TLN2: variants seen among roughly 807,000 people sequenced by gnomAD.
TLN2 encodes talin 2.
TLN2 carries 118 observed loss-of-function variants against 294.7 expected under a neutral mutation model. That is an observed-to-expected ratio of 0.40 (90% confidence interval 0.34 to 0.47). The LOEUF (loss-of-function observed/expected upper bound fraction) is 0.47, where lower values mean the gene tolerates loss of function less well. Ranked by LOEUF, TLN2 falls within the 20% of genes least tolerant of loss-of-function variation. TLN2 has a pLI of 0.84. For synonymous variants in TLN2, 1,431 were observed against 1,304.5 expected, an observed-to-expected ratio of 1.10 and a Z score of -2.09; for missense variants, 3,083 against 3,282.2, an observed-to-expected ratio of 0.94 and a Z score of 1.48.
At chr15:62,784,919 G>A (rs563995277) in intron 45 of TLN2, 1 of 152,248 alleles carries the variant, frequency 6.6e-6, no homozygotes, top group African/African-American at 2.4e-5. Flanking sequence ...TTTCTCCTGG[G>A]AGTCAGATCT....
intron 1 of TLN2, among the ~76,000 whole-genome samples, chr15:62,531,039 G>A (rs1205317771): frequency 6.6e-6 from 1 of 152,076 alleles, no homozygotes; most frequent in African/African-American, 2.4e-5. Flanking sequence ...TTGCCATTCA[G>A]ATTTTTTATT....
At chr15:62,590,269 A>G (rs1171269961) in intron 2 of TLN2, among the ~76,000 whole-genome samples, 1 of 152,050 alleles carries the variant, frequency 6.6e-6, no homozygotes, top group African/African-American at 2.4e-5. Flanking sequence ...TATTAAGTCT[A>G]GTGTCCATTA....
At chr15:62,812,074 G>A (rs1475463306) in intron 52 of TLN2, among the ~76,000 whole-genome samples, 1 of 151,332 alleles carries the variant, frequency 6.6e-6, no homozygotes, top group Admixed American at 6.6e-5. Context: ...CACTGGGAAG[G>A]TGCCATTTCT....
intron 52 of TLN2, among the ~76,000 whole-genome samples, chr15:62,812,171 T>C (rs2066741001): frequency 6.6e-6 from 1 of 152,114 alleles, no homozygotes; most frequent in Admixed American, 6.5e-5. Context: ...TATGCTCCAT[T>C]TCTCCTTATT....
At position 62,411,797 on chromosome 15, in the gene TLN2, T is replaced by G. The variant is rs1346908318; in HGVS notation, c.-238+21112T>G. ...TTGGGAGATTATTCATCTCTCAAAA[T>G]GGGGGCCCTAGAAGCAGGGGCTAGG... On this transcript the variant is annotated intron_variant, in intron 1 of 58. Transcript: ENST00000636159. 2.6e-5 allele frequency among the ~76,000 whole-genome samples: 4 copies of G among 152,102 alleles called. No individual in the cohort carries two copies. In the East Asian group the frequency reaches 7.7e-4, roughly 29 times the overall value.
intron 9 of TLN2, among the ~76,000 whole-genome samples, chr15:62,660,705 AC>A (rs2053717690): frequency 6.6e-6 from 1 of 152,142 alleles, no homozygotes; most frequent in Admixed American, 6.6e-5. Flanking sequence ...AAATTTTGTT[AC>A]CTATATGTGA....
chr15:62,690,405 GA>G lies in TLN2; in HGVS notation c.1114-2434del, dbSNP rs770194249. ...GGACAGAGGCGCTCCCCACATCTCA[GA>G]CGATGGGCGGCCGGGCAGAGACGCT... On this transcript the variant is annotated intron_variant, in intron 12 of 58. Coordinates refer to ENST00000636159, the MANE Select transcript of TLN2 (RefSeq NM_015059.3). 394 of 167,770 alleles carry G rather than the reference GA, an allele frequency of 2.3e-3. 1 individual carries two copies. Among genetic ancestry groups the G allele is most frequent in the Non-Finnish European group, 3.2e-3 (253 of 79,460 alleles). The allele number at this position is 167,770 out of a possible 1,614,324, so 10.4% of individuals were successfully genotyped here. A position where few individuals can be genotyped will look rare whatever the true frequency, so the allele number is the denominator to read the frequency against.
Position 62,841,322 on chromosome 15 carries a change from G to T in TLN2, c.*712G>T, listed in dbSNP as rs1175718161. On this transcript the variant is annotated 3_prime_UTR_variant, in exon 59 of 59. Coordinates refer to ENST00000636159, the MANE Select transcript of TLN2 (RefSeq NM_015059.3). Reference sequence around the variant, plus strand: ...GGCCGTCGGGGCTTGGTGAGCAGGGGCTGTAATACAGTCTGTGGGCTCCTT... The same window carrying T: ...GGCCGTCGGGGCTTGGTGAGCAGGGTCTGTAATACAGTCTGTGGGCTCCTT... 2.6e-5 allele frequency: 4 copies of T among 152,574 alleles called. No homozygotes were observed. The highest frequency in any genetic ancestry group is 9.7e-5 in the African/African-American group (4 of 41,448). The allele number at this position is 152,574 out of a possible 1,614,324, so 9.5% of individuals were successfully genotyped here. A position where few individuals can be genotyped will look rare whatever the true frequency, so the allele number is the denominator to read the frequency against.
Position 62,836,016 on chromosome 15 carries a change from G to A in TLN2, c.7317G>A (p.Leu2439=), listed in dbSNP as rs2069511129. Residue 2439 remains leucine (L), a synonymous_variant, in exon 57 of 59, where the codon CTG becomes CTA. Coordinates refer to ENST00000636159, the MANE Select transcript of TLN2 (RefSeq NM_015059.3). ...AKQVAASTAQ[L]LVACKVKADQ... Reference sequence around the variant, plus strand: ...AGGTCGCCGCTTCCACGGCTCAGCTGCTGGTGGCCTGCAAGGTGAAGGCCG... The same window carrying A: ...AGGTCGCCGCTTCCACGGCTCAGCTACTGGTGGCCTGCAAGGTGAAGGCCG... The A allele has an allele frequency of 1.9e-6, 3 of 1,613,186 alleles. No homozygotes were observed. Among genetic ancestry groups the A allele is most frequent in the Non-Finnish European group, 2.5e-6 (3 of 1,179,628 alleles).
chr15:62,732,679 A>G (rs115039099), intron 28 of TLN2, among the ~76,000 whole-genome samples: 2,349 of 152,310 alleles, frequency 0.015, 62 homozygotes, highest in African/African-American at 0.054. Flanking sequence ...TAATCCAGGT[A>G]AGAGATGGTA....
intron 1 of TLN2, among the ~76,000 whole-genome samples, chr15:62,391,889 C>T (rs544246800): frequency 6.6e-6 from 1 of 152,384 alleles, no homozygotes; most frequent in Admixed American, 6.5e-5. Flanking sequence ...CAGCCGGAGC[C>T]GTGCGCTGGG....
chr15:62,513,950 A>C (rs989047812), intron 1 of TLN2, among the ~76,000 whole-genome samples: 1 of 152,342 alleles, frequency 6.6e-6, no homozygotes. Context: ...AATATTCCAG[A>C]TCTCTTACAA....
At chr15:62,532,783 A>G (rs1165201602) in intron 1 of TLN2, among the ~76,000 whole-genome samples, 2 of 152,174 alleles carry the variant, frequency 1.3e-5, no homozygotes, top group Non-Finnish European at 1.5e-5. Flanking sequence ...ACCTTGGGTA[A>G]GAATTCCACT....
At chr15:62,804,547 G>A (rs745973097) in intron 50 of TLN2, among the ~76,000 whole-genome samples, 1 of 152,150 alleles carries the variant, frequency 6.6e-6, no homozygotes, top group Non-Finnish European at 1.5e-5. Context: ...GCTGTGAGCC[G>A]GGTTGACTGA....
intron 3 of TLN2, among the ~76,000 whole-genome samples, 158 bp downstream of exon 3, chr15:62,618,633 T>C (rs956011132): frequency 2.6e-5 from 4 of 152,048 alleles, no homozygotes; most frequent in African/African-American, 9.7e-5. Flanking sequence ...AATGACAGAG[T>C]CAGCAGAGCT....
At chr15:62,606,356 G>A (rs976419073) in intron 2 of TLN2, among the ~76,000 whole-genome samples, 3 of 151,616 alleles carry the variant, frequency 2.0e-5, no homozygotes, top group Non-Finnish European at 1.5e-5. Flanking sequence ...CTCCCAAAGC[G>A]CTGGGATTAC....
At chr15:62,445,774 T>C (rs919124433) in intron 1 of TLN2, among the ~76,000 whole-genome samples, 1 of 151,914 alleles carries the variant, frequency 6.6e-6, no homozygotes, top group Non-Finnish European at 1.5e-5. Flanking sequence ...AAGAATCCTT[T>C]CACCTCAGCC....
intron 1 of TLN2, among the ~76,000 whole-genome samples, chr15:62,492,543 C>CAAAA (rs35935035): frequency 1.2e-5 from 1 of 84,644 alleles, no homozygotes; most frequent in Non-Finnish European, 2.6e-5. Context: ...GACTCTGTCT[C>CAAAA]AAAAAAAAAA....
chr15:62,738,724 T>G (rs2061161958), intron 30 of TLN2, among the ~76,000 whole-genome samples: 1 of 152,216 alleles, frequency 6.6e-6, no homozygotes, highest in Non-Finnish European at 1.5e-5. Flanking sequence ...TTCCCTTCCC[T>G]GCTTTGTGAG....
Sources: gnomAD v4.1 joint callset for allele counts (sites outside exome capture counted in the v4.1 genomes callset) on GRCh38, gnomAD v4.1.1 for gene constraint, MANE v1.5 for transcripts, NCBI Gene and HGNC (gene_info 2026-07-23, HGNC 2026-07-21) for gene names.